TRPM3: variants seen among roughly 807,000 people sequenced by gnomAD.
TRPM3 encodes the protein transient receptor potential cation channel subfamily M member 3, also known as long transient receptor potential channel 3.
A neutral mutation model predicts 181.2 loss-of-function variants in TRPM3; 77 were observed. The ratio of observed to expected loss-of-function variants is 0.42; its 90% CI spans 0.35 to 0.51. TRPM3 has a LOEUF of 0.51. Ranked by LOEUF, TRPM3 falls within the 20% of genes least tolerant of loss-of-function variation. The probability of loss-of-function intolerance (pLI) is 0.01; values close to 1 mark genes in which losing one functional copy is unlikely to be tolerated. For missense variants in TRPM3, 1,759 were observed against 2,196.7 expected (o/e 0.80, Z 3.98); for synonymous variants, 745 against 796.4 (o/e 0.94, Z 1.09).
intron 1 of TRPM3, among the ~76,000 whole-genome samples, chr9:70,992,227 T>C (rs1005366902): frequency 2.7e-4 from 41 of 152,336 alleles, no homozygotes; most frequent in African/African-American, 9.9e-4. Context: ...CTACAACTGT[T>C]AAATGAAGAA....
chr9:70,816,323 A>T (rs2131506176), intron 6 of TRPM3, among the ~76,000 whole-genome samples: 1 of 152,352 alleles, frequency 6.6e-6, no homozygotes, highest in South Asian at 2.1e-4. Context: ...GTTATCACTT[A>T]GGTGTTATTA....
chr9:71,222,637 T>C lies in TRPM3; in HGVS notation c.183+224016A>G, dbSNP rs140631307. On this transcript the variant is annotated intron_variant, in intron 1 of 24. Transcript: ENST00000357533. ...ATCACATTAAGTGGTTTTAACTTCA[T>C]ATCACTGAAAGAGGGACTGAAGAGG... 1.8e-3 allele frequency among the ~76,000 whole-genome samples: 277 copies of C among 152,330 alleles called. 3 individuals are homozygous for C. Among genetic ancestry groups the C allele is most frequent in the Middle Eastern group, 3.4e-3 (1 of 294 alleles).
At chr9:70,977,147 T>G (rs1384065411) in intron 1 of TRPM3, among the ~76,000 whole-genome samples, 2 of 152,220 alleles carry the variant, frequency 1.3e-5, no homozygotes, top group Non-Finnish European at 2.9e-5. Context: ...ATTTATTTTT[T>G]TTTTTGAGAT....
At position 71,206,662 on chromosome 9, in the gene TRPM3, T is replaced by G. The variant is rs370997707; in HGVS notation, c.183+239991A>C. Among the ~76,000 whole-genome samples, 47 of 152,308 alleles carry G rather than the reference T, an allele frequency of 3.1e-4. No homozygotes were observed. In the South Asian group the frequency reaches 9.7e-3, roughly 32 times the overall value. On this transcript the variant is annotated intron_variant, in intron 1 of 24. Coordinates refer to the TRPM3 transcript ENST00000357533. Reference sequence around the variant, plus strand: ...GTTTTATTCATGAAGACTTTGCTCATGCCTATGTCCTAAATGGTATTGCCT... The same window carrying G: ...GTTTTATTCATGAAGACTTTGCTCAGGCCTATGTCCTAAATGGTATTGCCT...
In TRPM3 at chr9:70,862,244, G is replaced by A. The variant is rs748353780; in HGVS notation, c.462+664C>T. 7.2e-5 allele frequency among the ~76,000 whole-genome samples: 11 copies of A among 152,084 alleles called. 1 individual carries two copies. The highest frequency in any genetic ancestry group is 1.0e-4 in the Non-Finnish European group (7 of 68,000). On this transcript the variant is annotated intron_variant, in intron 3 of 25. Coordinates refer to ENST00000677713, the MANE Select transcript of TRPM3 (RefSeq NM_001366145.2). Reference sequence around the variant, plus strand: ...AACACATGCTAGACAAATTCTGTCAGCTAACTAGGAAGTGGCCCATGATGA... The same window carrying A: ...AACACATGCTAGACAAATTCTGTCAACTAACTAGGAAGTGGCCCATGATGA...
intron 1 of TRPM3, among the ~76,000 whole-genome samples, chr9:70,980,889 T>C (rs995387540): frequency 1.3e-5 from 2 of 152,202 alleles, no homozygotes; most frequent in African/African-American, 4.8e-5. Context: ...TCTCCCCACC[T>C]TTCCATCCTC....
chr9:71,330,890 G>A (rs2090061967), intron 1 of TRPM3, among the ~76,000 whole-genome samples: 1 of 151,810 alleles, frequency 6.6e-6, no homozygotes, highest in African/African-American at 2.4e-5. Context: ...AGGAGGGGCA[G>A]CAGCTGATAG....
chr9:71,242,719 C>A (rs2081785264), intron 1 of TRPM3, among the ~76,000 whole-genome samples: 2 of 152,148 alleles, frequency 1.3e-5, no homozygotes, highest in African/African-American at 2.4e-5. Flanking sequence ...TTTCCCTAAT[C>A]TTCCTACTTT....
intron 22 of TRPM3, among the ~76,000 whole-genome samples, chr9:70,578,608 CA>C (rs1402232909): frequency 6.6e-6 from 1 of 152,190 alleles, no homozygotes; most frequent in Non-Finnish European, 1.5e-5. Flanking sequence ...GTGAGCAGAG[CA>C]GAGGGAGATG....
chr9:70,856,164 T>C (rs929263580), intron 3 of TRPM3, among the ~76,000 whole-genome samples: 1 of 152,212 alleles, frequency 6.6e-6, no homozygotes, highest in African/African-American at 2.4e-5. Context: ...GACGCAAAGA[T>C]AGGATGGTTT....
chr9:70,583,931 C>T (rs150961155), intron 22 of TRPM3, among the ~76,000 whole-genome samples: 124 of 152,318 alleles, frequency 8.1e-4, no homozygotes, highest in African/African-American at 2.8e-3. Context: ...CTATTGTCTT[C>T]ATATGATGCT....
intron 1 of TRPM3, among the ~76,000 whole-genome samples, chr9:71,120,628 C>G (rs1173734434): frequency 6.6e-6 from 1 of 152,130 alleles, no homozygotes; most frequent in African/African-American, 2.4e-5. Flanking sequence ...TTTCTAAAAA[C>G]AAGGACACAA....
intron 1 of TRPM3, among the ~76,000 whole-genome samples, chr9:71,345,757 GT>G (rs2091256837): frequency 6.6e-6 from 1 of 152,112 alleles, no homozygotes; most frequent in Non-Finnish European, 1.5e-5. Context: ...GACAAAAGAT[GT>G]GTACAGTTAT....
At chr9:71,006,707 T>A in intron 1 of TRPM3, among the ~76,000 whole-genome samples, 1 of 151,776 alleles carries the variant, frequency 6.6e-6, no homozygotes. Context: ...CTGTCTCTAC[T>A]AAAAATACAA....
At chr9:71,114,481 C>A (rs1185941703) in intron 1 of TRPM3, among the ~76,000 whole-genome samples, 1 of 152,118 alleles carries the variant, frequency 6.6e-6, no homozygotes, top group Admixed American at 6.6e-5. Flanking sequence ...TATTAAGCAG[C>A]ATTTAAAAAA....
rs11285828 is a variant in TRPM3 at position 70,631,361 on chromosome 9, CTTTT to C, written c.1632+3846_1632+3849del. Among the ~76,000 whole-genome samples, 585 of 136,828 alleles carry C rather than the reference CTTTT, an allele frequency of 4.3e-3. 1 individual carries two copies. Among genetic ancestry groups the C allele is most frequent in the African/African-American group, 9.6e-3 (358 of 37,262 alleles). 89.8% of individuals were successfully genotyped at this position (136,828 alleles called of 152,430 possible). A position where few individuals can be genotyped will look rare whatever the true frequency, so the allele number is the denominator to read the frequency against. On this transcript the variant is annotated intron_variant, in intron 12 of 25. Transcript: ENST00000677713. ...CTTACCCAAAGTGTGTCTGAAATGC[CTTTT>C]TTTTTTTTTTTTTTTATTCTGAAAA... is the stretch of plus-strand genomic sequence containing the variant.
intron 8 of TRPM3, among the ~76,000 whole-genome samples, chr9:70,695,584 G>T (rs769727790): frequency 6.6e-6 from 1 of 152,098 alleles, no homozygotes; most frequent in Non-Finnish European, 1.5e-5. Flanking sequence ...TGCTAATTAC[G>T]CCTTGCCTGG....
Position 70,909,383 on chromosome 9 carries a change from G to A in TRPM3, c.178-44872C>T, listed in dbSNP as rs114810116. ...GGTAACTCCTAGAGGTGATGGGAGC[G>A]GTTAGACCCTTCATAGTATGGTAGG... On this transcript the variant is annotated intron_variant, in intron 1 of 25. Transcript: ENST00000677713. Among the ~76,000 whole-genome samples, 558 of 152,218 alleles carry A rather than the reference G, an allele frequency of 3.7e-3. 1 individual carries two copies. Among genetic ancestry groups the A allele is most frequent in the African/African-American group, 0.013 (526 of 41,524 alleles).
intron 1 of TRPM3, among the ~76,000 whole-genome samples, chr9:71,224,466 A>C (rs1195476629): frequency 6.6e-6 from 1 of 152,186 alleles, no homozygotes; most frequent in Non-Finnish European, 1.5e-5. Flanking sequence ...AAACTACAAC[A>C]AGTATCTAAT....
Sources: gnomAD v4.1 joint callset for allele counts (sites outside exome capture counted in the v4.1 genomes callset) on GRCh38, gnomAD v4.1.1 for gene constraint, MANE v1.5 for transcripts, NCBI Gene and HGNC (gene_info 2026-07-23, HGNC 2026-07-21) for gene names.